The following SETD2 variants were observed in gnomAD, a reference collection of about 807,000 sequenced individuals.
The protein encoded by SETD2 is histone-lysine N-methyltransferase SETD2.
Under a neutral mutation model 242.1 loss-of-function variants are expected in SETD2, and 31 were observed. The observed-to-expected ratio is 0.13, with a 90% CI of 0.10 to 0.17. The LOEUF is 0.17. SETD2 is among the 10% of genes least tolerant of loss of function. The pLI, the probability that SETD2 is intolerant of heterozygous loss-of-function variation, is 1.00. For synonymous variants in SETD2, 1,006 were observed against 1,066.5 expected (o/e 0.94, Z 1.11); for missense variants, 2,481 against 3,046.3 (o/e 0.81, Z 4.37).
intron 18 of SETD2, among the ~76,000 whole-genome samples, chr3:47,035,775 CTTTG>C (rs951036121): frequency 9.2e-5 from 14 of 152,270 alleles, no homozygotes; most frequent in Admixed American, 1.3e-4. Flanking sequence ...ATCTTAATCC[CTTTG>C]TTTATTTTTC....
intron 1 of SETD2, among the ~76,000 whole-genome samples, chr3:47,129,733 A>G (rs1251306326): frequency 6.6e-6 from 1 of 152,142 alleles, no homozygotes; most frequent in Non-Finnish European, 1.5e-5. Flanking sequence ...AAAAATACAA[A>G]AATTAGCCAG....
intron 3 of SETD2, among the ~76,000 whole-genome samples, chr3:47,118,455 C>T (rs1226816680): frequency 6.6e-6 from 1 of 152,112 alleles, no homozygotes; most frequent in Non-Finnish European, 1.5e-5. Context: ...GGCGTGGTAG[C>T]TCACGCCTGT....
Position 47,121,836 on chromosome 3 carries a change from T to C in SETD2, c.2800A>G (p.Ser934Gly), listed in dbSNP as rs2106662004. Residue 934 changes from serine to glycine, a missense_variant, in exon 3 of 21, where the codon AGT becomes GGT. Physicochemically the swap from Ser to Gly is moderately conservative, Grantham distance 56. Transcript: ENST00000409792. ...AGKETIVEVG[S>G]DLPDSGKGFA... ...CCCTTTCCTGAATCAGGAAGGTCAC[T>C]ACCTACTTCTACTATTGTTTCTTTC... The C allele has an allele frequency of 6.2e-7, 1 of 1,614,114 alleles. No homozygotes were observed. Among genetic ancestry groups the C allele is most frequent in the Non-Finnish European group, 8.5e-7 (1 of 1,180,002 alleles).
At chr3:47,038,563 C>T (rs1470914570) in intron 17 of SETD2, among the ~76,000 whole-genome samples, 2 of 151,778 alleles carry the variant, frequency 1.3e-5, no homozygotes, top group African/African-American at 2.4e-5. Flanking sequence ...TGCAGTGAGC[C>T]AAGATCGTGC....
At chr3:47,019,150 A>G (rs934630945) in intron 19 of SETD2, among the ~76,000 whole-genome samples, 2 of 152,254 alleles carry the variant, frequency 1.3e-5, no homozygotes, top group Non-Finnish European at 2.9e-5. Flanking sequence ...GTAGCATAAA[A>G]AGGAGCAGCA....
intron 1 of SETD2, among the ~76,000 whole-genome samples, chr3:47,142,625 C>T (rs1330087200): frequency 1.3e-5 from 2 of 150,292 alleles, no homozygotes; most frequent in East Asian, 3.9e-4. Flanking sequence ...TATGCTACTT[C>T]GTGGTGGGGG....
At chr3:47,071,962 G>GA (rs1410022644) in intron 12 of SETD2, among the ~76,000 whole-genome samples, 1 of 152,056 alleles carries the variant, frequency 6.6e-6, no homozygotes, top group African/African-American at 2.4e-5. Flanking sequence ...TTTCTGACAA[G>GA]AAAAAGGTTA....
Position 47,120,892 on chromosome 3 carries a change from G to A in SETD2, c.3744C>T (p.Gly1248=). 3 of 1,614,216 alleles carry A rather than the reference G, an allele frequency of 1.9e-6. No homozygotes were observed. The highest frequency in any genetic ancestry group is 1.7e-6 in the Non-Finnish European group (2 of 1,180,036). The part of the protein sequence containing the change: ...SSSCEIPHVD[G]LHSSEELRNL... Reference sequence around the variant, plus strand: ...TTCTGAGCTCTTCTGATGAGTGCAAGCCATCCACATGTGGTATCTCACAAG... The same window carrying A: ...TTCTGAGCTCTTCTGATGAGTGCAAACCATCCACATGTGGTATCTCACAAG... Residue 1248 remains glycine (G), a synonymous_variant, in exon 3 of 21, where the codon GGC becomes GGT. Transcript: ENST00000409792.
chr3:47,124,556 T>C lies in SETD2; in HGVS notation c.88-8A>G. 4 of 1,531,852 alleles carry C rather than the reference T, an allele frequency of 2.6e-6. No individual in the cohort carries two copies. The East Asian group carries it at 9.8e-5, about 38-fold the overall frequency. 94.9% of individuals were successfully genotyped at this position (1,531,852 alleles called of 1,614,324 possible). ...CACATTTTCAATCTTTGCCTACAAA[T>C]GAACAAAATAAGCAATTACTACTAC... On this transcript the variant is annotated splice_polypyrimidine_tract_variant and splice_region_variant and intron_variant, in intron 2 of 20. Coordinates refer to ENST00000409792, the MANE Select transcript of SETD2 (RefSeq NM_014159.7).
chr3:47,088,756 G>T (rs2107653541), intron 9 of SETD2, among the ~76,000 whole-genome samples: 1 of 152,178 alleles, frequency 6.6e-6, no homozygotes, highest in South Asian at 2.1e-4. Context: ...TAGGGGCCGG[G>T]TGCTTCAGAA....
At chr3:47,137,296 G>A (rs1258145209) in intron 1 of SETD2, among the ~76,000 whole-genome samples, 21 of 151,854 alleles carry the variant, frequency 1.4e-4, no homozygotes, top group African/African-American at 4.4e-4. Context: ...GGGTTCAAGC[G>A]ATTCTCCTGC....
Position 47,056,901 on chromosome 3 carries a change from T to C in SETD2, c.6883A>G (p.Ile2295Val), listed in dbSNP as rs759219467. Residue 2295 changes from isoleucine to valine, a missense_variant, in exon 15 of 21, where the codon ATA becomes GTA. By Grantham distance (29) the Ile-to-Val change is conservative. This residue lies in a region of SETD2 where 235 missense variants were observed against 293.9 expected (regional missense o/e 0.80). Coordinates refer to ENST00000409792, the MANE Select transcript of SETD2 (RefSeq NM_014159.7). ...QYSPAQSQAT[I>V]YYQGQTCPTV... ...GGACATGTCTGTCCTTGATAATATATGGTTGCTTGAGACTGTGCAGGAGAG... is the reference window on the plus strand; with the variant it reads ...GGACATGTCTGTCCTTGATAATATACGGTTGCTTGAGACTGTGCAGGAGAG... 4.4e-5 allele frequency: 71 copies of C among 1,614,120 alleles called. 1 individual carries two copies. The highest frequency in any genetic ancestry group is 6.0e-5 in the Non-Finnish European group (71 of 1,180,020).
chr3:47,059,984 C>T (rs1164503032), intron 14 of SETD2, among the ~76,000 whole-genome samples: 1 of 152,100 alleles, frequency 6.6e-6, no homozygotes, highest in Non-Finnish European at 1.5e-5. Context: ...GGGGTTTCAC[C>T]ATGTTGACCA....
intron 13 of SETD2, among the ~76,000 whole-genome samples, chr3:47,066,637 C>A (rs2040566541): frequency 6.6e-6 from 1 of 152,076 alleles, no homozygotes; most frequent in Admixed American, 6.6e-5. Context: ...GTGTGAGCCA[C>A]CCTGCCCAGC....
intron 1 of SETD2, among the ~76,000 whole-genome samples, chr3:47,143,953 G>A (rs1056338671): frequency 3.9e-5 from 6 of 152,042 alleles, no homozygotes; most frequent in Non-Finnish European, 7.4e-5. Flanking sequence ...CTCGTGATCT[G>A]CCCGCCTCGG....
intron 1 of SETD2, among the ~76,000 whole-genome samples, chr3:47,147,860 T>G (rs539886087): frequency 6.8e-6 from 1 of 147,974 alleles, no homozygotes; most frequent in East Asian, 2.0e-4. Flanking sequence ...GAGGCGGAGC[T>G]TGCAGTGAGC....
Position 47,017,396 on chromosome 3 carries a change from G to T in SETD2, c.7534-142C>A. 1.1e-6 allele frequency: 1 copy of T among 897,510 alleles called. No homozygotes were observed. The highest frequency in any genetic ancestry group is 1.7e-6 in the Non-Finnish European group (1 of 596,680). The allele number at this position is 897,510 out of a possible 1,614,324, so 55.6% of individuals were successfully genotyped here. A position where few individuals can be genotyped will look rare whatever the true frequency, so the allele number is the denominator to read the frequency against. On this transcript the variant is annotated intron_variant, in intron 20 of 20. Coordinates refer to ENST00000409792, the MANE Select transcript of SETD2 (RefSeq NM_014159.7). The surrounding 1 kb of genome is among the most constrained non-coding windows in gnomAD (Gnocchi z 4.8). ...GAAGTTAATAAGGGGGTAGATGTTG[G>T]GGCAGGCTGGTGCTATGATCACCAG... is the stretch of plus-strand genomic sequence containing the variant.
chr3:47,017,243 A>G lies in SETD2; in HGVS notation c.7545T>C (p.Gly2515=). The G allele has an allele frequency of 6.2e-7, 1 of 1,613,992 alleles. No homozygotes were observed. Among genetic ancestry groups the G allele is most frequent in the Non-Finnish European group, 8.5e-7 (1 of 1,179,984 alleles). ...FKHLARKLTH[G]VMNKELKYCK... is the part of the protein sequence containing the mutation. ...AGTACTTCAGCTCCTTATTCATAAC[A>G]CCGTGAGTCAGCTGTCCAGGGCACA... Residue 2515 remains glycine (G), a synonymous_variant, in exon 21 of 21, where the codon GGT becomes GGC. Coordinates refer to ENST00000409792, the MANE Select transcript of SETD2 (RefSeq NM_014159.7). This position sits in a 1 kb window ranked among gnomAD's most constrained non-coding sequence, Gnocchi z 4.8.
chr3:47,058,842 T>C (rs1197491896), intron 14 of SETD2, among the ~76,000 whole-genome samples: 1 of 151,776 alleles, frequency 6.6e-6, no homozygotes, highest in Non-Finnish European at 1.5e-5. Context: ...TTGCCCAGAC[T>C]GGAGTGCAGT....
Sources: allele counts gnomAD v4.1 joint callset (sites outside exome capture counted in the v4.1 genomes callset), GRCh38; gene constraint gnomAD v4.1.1; regional missense constraint gnomAD v4.1.1; non-coding constraint Gnocchi (gnomAD v3.1); transcripts MANE v1.5; gene names NCBI Gene and HGNC (gene_info 2026-07-23, HGNC 2026-07-21).